The following ADGRB3 variants were observed in gnomAD, a reference collection of about 807,000 sequenced individuals.
The protein encoded by ADGRB3 is adhesion G protein-coupled receptor B3.
ADGRB3 carries 37 observed loss-of-function variants against 193.4 expected under a neutral mutation model. The ratio of observed to expected loss-of-function variants is 0.19; its 90% CI spans 0.15 to 0.25. ADGRB3 has a LOEUF of 0.25. Ranked by LOEUF, ADGRB3 falls within the 10% of genes least tolerant of loss-of-function variation. The pLI, the probability that ADGRB3 is intolerant of heterozygous loss-of-function variation, is 1.00. For synonymous variants in ADGRB3, 690 were observed against 644.2 expected (o/e 1.07, Z -1.08); for missense variants, 1,637 against 1,852.9 (o/e 0.88, Z 2.14).
chr6:68,936,936 A>G (rs889207926), intron 5 of ADGRB3, among the ~76,000 whole-genome samples: 5 of 152,298 alleles, frequency 3.3e-5, no homozygotes, highest in Admixed American at 1.3e-4. Context: ...ACTTCTAATA[A>G]TATTTAAGGT....
At chr6:69,026,576 G>GT (rs1770438214) in intron 13 of ADGRB3, among the ~76,000 whole-genome samples, 1 of 152,176 alleles carries the variant, frequency 6.6e-6, no homozygotes, top group Admixed American at 6.5e-5. Flanking sequence ...TGCTTAACAA[G>GT]TATTTGTCAC....
intron 11 of ADGRB3, among the ~76,000 whole-genome samples, chr6:69,013,318 A>G (rs1562121707): frequency 6.6e-6 from 1 of 152,062 alleles, no homozygotes; most frequent in African/African-American, 2.4e-5. Context: ...CCAGAAACCA[A>G]TGGGCACTGC....
At chr6:69,306,382 A>G (rs1226829790) in intron 20 of ADGRB3, among the ~76,000 whole-genome samples, 1 of 151,578 alleles carries the variant, frequency 6.6e-6, no homozygotes, top group Non-Finnish European at 1.5e-5. Flanking sequence ...CATACATAGC[A>G]TAATGTGTTG....
chr6:68,955,684 C>G (rs1370116285), intron 6 of ADGRB3, among the ~76,000 whole-genome samples: 1 of 151,858 alleles, frequency 6.6e-6, no homozygotes, highest in Admixed American at 6.6e-5. Context: ...TCCAACTACT[C>G]AGGAGGCTGA....
In ADGRB3 at chr6:68,956,182, T is replaced by C. The variant is rs2150256576; in HGVS notation, c.1354T>C (p.Cys452Arg). 6.2e-7 allele frequency: 1 copy of C among 1,610,414 alleles called. No homozygotes were observed. Among genetic ancestry groups the C allele is most frequent in the Non-Finnish European group, 8.5e-7 (1 of 1,177,854 alleles). Residue 452 changes from cysteine (C) to arginine (R), a missense_variant, in exon 7 of 32, where the codon TGT becomes CGT. Coordinates refer to ENST00000370598, the MANE Select transcript of ADGRB3 (RefSeq NM_001704.3). ...AESRECYNPE[C>R]TANGQWNQWG... ...AAGCAGAGAGTGCTATAACCCTGAA[T>C]GTACAGGTAGGGCTTGATTCCTGCA...
chr6:69,289,361 T>A (rs1318135997), intron 20 of ADGRB3, among the ~76,000 whole-genome samples: 1 of 152,102 alleles, frequency 6.6e-6, no homozygotes, highest in Non-Finnish European at 1.5e-5. Context: ...CAACCAAAAA[T>A]GTGATTGTTT....
intron 3 of ADGRB3, among the ~76,000 whole-genome samples, chr6:68,689,571 C>CT (rs1396058456): frequency 1.6e-4 from 25 of 152,034 alleles, no homozygotes; most frequent in African/African-American, 5.6e-4. Flanking sequence ...ATGAGAATCT[C>CT]TTTATCAGTA....
intron 8 of ADGRB3, among the ~76,000 whole-genome samples, chr6:68,958,021 C>T (rs974164899): frequency 4.0e-5 from 6 of 151,606 alleles, no homozygotes; most frequent in Admixed American, 3.3e-4. Context: ...GCCAACGTGG[C>T]GAAACCCCGT....
At chr6:68,910,523 G>A (rs1278495286) in intron 3 of ADGRB3, among the ~76,000 whole-genome samples, 2 of 152,248 alleles carry the variant, frequency 1.3e-5, no homozygotes, top group Middle Eastern at 3.4e-3. Flanking sequence ...TTCTTCTAGG[G>A]TTTTTATGGT....
chr6:69,273,291 A>C (rs1195734667), intron 20 of ADGRB3, among the ~76,000 whole-genome samples: 1 of 152,210 alleles, frequency 6.6e-6, no homozygotes, highest in Admixed American at 6.5e-5. Flanking sequence ...TACTGTTTGC[A>C]AATGGGAAGG....
chr6:68,710,888 C>T (rs541452206), intron 3 of ADGRB3, among the ~76,000 whole-genome samples: 9 of 152,244 alleles, frequency 5.9e-5, no homozygotes, highest in Admixed American at 1.3e-4. Context: ...TTGACTCCCA[C>T]GGAAGTTTTC....
intron 3 of ADGRB3, among the ~76,000 whole-genome samples, chr6:68,922,777 G>A (rs1166635891): frequency 1.3e-5 from 2 of 152,254 alleles, no homozygotes; most frequent in East Asian, 3.9e-4. Flanking sequence ...TCCACGTTGA[G>A]CCTTAACCTT....
At chr6:68,658,048 A>G (rs1391257327) in intron 3 of ADGRB3, among the ~76,000 whole-genome samples, 1 of 151,450 alleles carries the variant, frequency 6.6e-6, no homozygotes, top group Non-Finnish European at 1.5e-5. Context: ...TGTGTATTTC[A>G]TAATCACAAT....
intron 17 of ADGRB3, among the ~76,000 whole-genome samples, chr6:69,169,360 T>A (rs758408119): frequency 6.6e-5 from 10 of 151,930 alleles, no homozygotes; most frequent in Admixed American, 1.3e-4. Context: ...ACTTACCTAT[T>A]TTTTTGGCCA....
intron 17 of ADGRB3, among the ~76,000 whole-genome samples, chr6:69,182,650 T>C (rs939751122): frequency 1.3e-5 from 2 of 152,162 alleles, no homozygotes; most frequent in Admixed American, 6.6e-5. Context: ...TTGAGGCAAA[T>C]TGAGTGAGTC....
At chr6:69,125,033 G>A (rs1481569905) in intron 17 of ADGRB3, among the ~76,000 whole-genome samples, 1 of 152,010 alleles carries the variant, frequency 6.6e-6, no homozygotes, top group East Asian at 1.9e-4. Context: ...CATCCTTTTG[G>A]GTGGGAAGAA....
chr6:68,814,321 C>T (rs890835835), intron 3 of ADGRB3, among the ~76,000 whole-genome samples: 6 of 152,142 alleles, frequency 3.9e-5, no homozygotes, highest in African/African-American at 1.2e-4. Context: ...TGATGAGCAT[C>T]TTTTCATGTG....
At chr6:69,074,003 G>C (rs547697006) in intron 16 of ADGRB3, among the ~76,000 whole-genome samples, 1 of 152,084 alleles carries the variant, frequency 6.6e-6, no homozygotes, top group Non-Finnish European at 1.5e-5. Context: ...GACCACCAAA[G>C]TCTATTATTT....
chr6:69,358,696 G>T lies in ADGRB3; in HGVS notation c.3596-2173G>T, dbSNP rs185283847. ...TCCATCTGATCATGCCAAATATTCA[G>T]TTGCTTTATATTTTGTTTGAAGTTT... On this transcript the variant is annotated intron_variant, in intron 28 of 31. Transcript: ENST00000370598. Among the ~76,000 whole-genome samples the T allele has an allele frequency of 1.4e-3, 219 of 151,846 alleles. 2 individuals carry two copies. Among genetic ancestry groups the T allele is most frequent in the African/African-American group, 5.2e-3 (215 of 41,464 alleles).
Sources: gnomAD v4.1 joint callset for allele counts (sites outside exome capture counted in the v4.1 genomes callset) on GRCh38, gnomAD v4.1.1 for gene constraint, MANE v1.5 for transcripts, NCBI Gene and HGNC (gene_info 2026-07-23, HGNC 2026-07-21) for gene names.